SEMA5B: variants seen among roughly 807,000 people sequenced by gnomAD.
The protein encoded by SEMA5B is semaphorin 5B.
SEMA5B carries 66 observed loss-of-function variants against 135.0 expected under a neutral mutation model. That is an observed-to-expected ratio of 0.49 (90% CI 0.40 to 0.60). SEMA5B has a LOEUF of 0.60. SEMA5B is among the 20% of genes least tolerant of loss of function. The pLI, the probability that SEMA5B is intolerant of heterozygous loss-of-function variation, is 0.00. For synonymous variants in SEMA5B, 690 were observed against 639.5 expected (o/e 1.08, Z -1.19); for missense variants, 1,501 against 1,566.3 (o/e 0.96, Z 0.70).
intron 2 of SEMA5B, among the ~76,000 whole-genome samples, chr3:122,958,620 A>T (rs1382054792): frequency 6.6e-6 from 1 of 152,242 alleles, no homozygotes; most frequent in Admixed American, 6.5e-5. Flanking sequence ...TGCTCTGAAT[A>T]GAGCAGATTT....
At chr3:123,023,548 G>A (rs1942737389) in intron 1 of SEMA5B, among the ~76,000 whole-genome samples, 1 of 152,142 alleles carries the variant, frequency 6.6e-6, no homozygotes, top group South Asian at 2.1e-4. Flanking sequence ...CAAAGTAGGT[G>A]TTTAGCTTTG....
intron 5 of SEMA5B, among the ~76,000 whole-genome samples, chr3:122,938,912 A>G (rs1337905776): frequency 6.6e-6 from 1 of 152,232 alleles, no homozygotes; most frequent in African/African-American, 2.4e-5. Context: ...GCAGCAGATA[A>G]TAAATCAATC....
chr3:122,962,836 C>A (rs1298278667), intron 1 of SEMA5B, among the ~76,000 whole-genome samples: 1 of 151,862 alleles, frequency 6.6e-6, no homozygotes, highest in East Asian at 1.9e-4. Context: ...AACCCCCTGA[C>A]CCCCCATGAA....
chr3:122,995,512 T>C (rs1301233159), intron 1 of SEMA5B, among the ~76,000 whole-genome samples: 1 of 152,206 alleles, frequency 6.6e-6, no homozygotes, highest in African/African-American at 2.4e-5. Flanking sequence ...GATTCATACC[T>C]GAAAGCGGCT....
intron 1 of SEMA5B, among the ~76,000 whole-genome samples, chr3:122,971,222 C>T (rs1216759154): frequency 2.0e-5 from 3 of 152,242 alleles, no homozygotes; most frequent in Admixed American, 6.5e-5. Flanking sequence ...TGTCTGCAAA[C>T]TGGTGGCAGG....
Position 122,913,367 on chromosome 3 carries a change from T to C in SEMA5B, c.2338A>G (p.Thr780Ala). The change falls in exon 17 of 23, where the codon ACG (threonine) becomes GCG (alanine). Residue 780 changes from threonine to alanine, a missense_variant. Physicochemically the swap from Thr to Ala is moderately conservative, Grantham distance 58. Around this residue, in one of 2 missense-constraint regions of SEMA5B, gnomAD observed 927 missense variants for 881.6 expected, o/e 1.05. Transcript: ENST00000357599. ...GTCACGTTCACGGGCAGCCACGGCGTCCAGGGGGTGTTGCGCCGCACTTCG... is the reference window on the plus strand; with the variant it reads ...GTCACGTTCACGGGCAGCCACGGCGCCCAGGGGGTGTTGCGCCGCACTTCG... The part of the protein sequence containing the change: ...CPEVRRNTPW[T>A]PWLPVNVTQG... The C allele has an allele frequency of 1.3e-6, 2 of 1,583,248 alleles. No homozygotes were observed. Among genetic ancestry groups the C allele is most frequent in the Non-Finnish European group, 1.7e-6 (2 of 1,171,070 alleles).
intron 10 of SEMA5B, 94 bp downstream of exon 10, chr3:122,923,519 GTGTC>G (rs1938476184): frequency 3.6e-6 from 5 of 1,373,490 alleles, no homozygotes; most frequent in African/African-American, 2.8e-5. Context: ...GACGGGTCTG[GTGTC>G]TGTCTGTGCT....
intron 1 of SEMA5B, among the ~76,000 whole-genome samples, chr3:123,004,002 A>C (rs1436483599): frequency 6.6e-6 from 1 of 152,082 alleles, no homozygotes; most frequent in Non-Finnish European, 1.5e-5. Flanking sequence ...AGAAATCAAA[A>C]ACCTCTCCTC....
At position 122,910,265 on chromosome 3, in the gene SEMA5B, C is replaced by T. The variant is rs1161757248; in HGVS notation, c.3334G>A (p.Ala1112Thr). The change falls in exon 23 of 23, where the codon GCC becomes ACC. Residue 1112 changes from alanine (A) to threonine (T), a missense_variant. Ala to Thr is a moderately conservative substitution (Grantham distance 58). Coordinates refer to ENST00000357599, the MANE Select transcript of SEMA5B (RefSeq NM_001031702.4). ...NKNNLIPDDR[A>T]NFYPLQQTNV... ...GTCTGCTGCAATGGGTAGAAGTTGG[C>T]TCTGTCATCAGGGATCAAGTTATTC... The T allele has an allele frequency of 1.2e-6, 2 of 1,614,148 alleles. No individual in the cohort carries two copies. The highest frequency in any genetic ancestry group is 3.3e-5 in the Admixed American group (2 of 60,016).
At chr3:123,000,502 G>T (rs747440860) in intron 1 of SEMA5B, among the ~76,000 whole-genome samples, 1 of 152,150 alleles carries the variant, frequency 6.6e-6, no homozygotes, top group Non-Finnish European at 1.5e-5. Flanking sequence ...CTGGCATTTG[G>T]CATGCACCTG....
intron 12 of SEMA5B, 143 bp downstream of exon 12, chr3:122,921,772 G>A (rs983089596): frequency 3.3e-6 from 2 of 605,974 alleles, no homozygotes; most frequent in Non-Finnish European, 5.4e-6. Flanking sequence ...GAGAACCAAG[G>A]TTCAGCGAGG....
chr3:122,960,182 C>T (rs1940513054), intron 2 of SEMA5B, among the ~76,000 whole-genome samples: 1 of 152,182 alleles, frequency 6.6e-6, no homozygotes, highest in African/African-American at 2.4e-5. Context: ...TTCAGTTGCT[C>T]AGCATAAATC....
intron 1 of SEMA5B, among the ~76,000 whole-genome samples, chr3:122,964,702 C>T (rs1311108932): frequency 1.3e-5 from 2 of 152,164 alleles, no homozygotes; most frequent in Non-Finnish European, 2.9e-5. Flanking sequence ...CTCCCTTTAC[C>T]CTTTGCTGGT....
intron 1 of SEMA5B, among the ~76,000 whole-genome samples, chr3:123,010,808 C>CAAAA (rs138507516): frequency 4.7e-5 from 3 of 63,436 alleles, no homozygotes; most frequent in African/African-American, 9.3e-5. Context: ...GTCTCCATCT[C>CAAAA]AAAAAAAAAA....
At chr3:122,985,218 C>A (rs1221385852) in intron 1 of SEMA5B, among the ~76,000 whole-genome samples, 1 of 152,178 alleles carries the variant, frequency 6.6e-6, no homozygotes, top group Non-Finnish European at 1.5e-5. Context: ...AATGGCCAGG[C>A]ACAGTGGCTC....
chr3:123,011,088 C>A (rs559379551), intron 1 of SEMA5B, among the ~76,000 whole-genome samples: 3 of 152,280 alleles, frequency 2.0e-5, no homozygotes, highest in South Asian at 2.1e-4. Context: ...AGATGTACAG[C>A]AAGCCCCTCC....
chr3:122,956,871 CG>C (rs1255869847), intron 2 of SEMA5B, among the ~76,000 whole-genome samples: 1 of 152,094 alleles, frequency 6.6e-6, no homozygotes, highest in East Asian at 1.9e-4. Context: ...AAGCGGGTGA[CG>C]GGCTGCAGTC....
intron 1 of SEMA5B, among the ~76,000 whole-genome samples, chr3:122,970,103 G>A (rs762476627): frequency 2.0e-5 from 3 of 152,120 alleles, no homozygotes; most frequent in African/African-American, 4.8e-5. Flanking sequence ...CCTAGAGCCC[G>A]GGCTGCAAAT....
chr3:122,919,488 C>T (rs1217365820), intron 12 of SEMA5B, among the ~76,000 whole-genome samples: 1 of 152,156 alleles, frequency 6.6e-6, no homozygotes. Flanking sequence ...CCCCTGGATC[C>T]TGGGCAGAGG....
Sources: gnomAD v4.1 joint callset for allele counts (sites outside exome capture counted in the v4.1 genomes callset) on GRCh38, gnomAD v4.1.1 for gene constraint, gnomAD v4.1.1 regional missense constraint, MANE v1.5 for transcripts, NCBI Gene and HGNC (gene_info 2026-07-23, HGNC 2026-07-21) for gene names.